Variants in SOS1 observed in about 807,000 individuals in gnomAD.
The protein encoded by SOS1 is SOS Ras/Rac guanine nucleotide exchange factor 1, also known as son of sevenless homolog 1.
Under a neutral mutation model 157.6 loss-of-function variants are expected in SOS1, and 25 were observed. That is an observed-to-expected ratio of 0.16 (90% CI 0.12 to 0.22). The LOEUF (loss-of-function observed/expected upper bound fraction) is 0.22, where lower values mean the gene tolerates loss of function less well. SOS1 is among the 10% of genes least tolerant of loss of function. The pLI, the probability that SOS1 is intolerant of heterozygous loss-of-function variation, is 1.00. For synonymous variants in SOS1, 528 were observed against 534.0 expected (o/e 0.99, Z 0.16); for missense variants, 1,237 against 1,599.1 (o/e 0.77, Z 3.86).
intron 1 of SOS1, among the ~76,000 whole-genome samples, chr2:39,073,495 T>C (rs1178957107): frequency 6.6e-6 from 1 of 152,262 alleles, no homozygotes; most frequent in Non-Finnish European, 1.5e-5. Context: ...AAGAATTTTA[T>C]AGTAACTGTT....
chr2:39,013,562 C>T lies in SOS1; in HGVS notation c.2065G>A (p.Val689Ile). 1 of 1,564,134 alleles carries T rather than the reference C, an allele frequency of 6.4e-7. No homozygotes were observed. Among genetic ancestry groups the T allele is most frequent in the Non-Finnish European group, 8.8e-7 (1 of 1,134,510 alleles). ...KEYIQPVQLRVLNVCRHWVEH... is the reference protein window; with the variant it reads ...KEYIQPVQLRILNVCRHWVEH... ...ACCCAGTGCCGACATACATTTAATA[C>T]TCTATGGCATTAACACAGAATTGAA... Residue 689 changes from valine (V) to isoleucine (I), a missense_variant and splice_region_variant, in exon 13 of 23, where the codon GTA (valine) becomes ATA (isoleucine). By Grantham distance (29) the Val-to-Ile change is conservative (BLOSUM62 3). Transcript: ENST00000402219.
chr2:39,026,167 C>T (rs1042212659), intron 8 of SOS1, among the ~76,000 whole-genome samples: 16 of 151,770 alleles, frequency 1.1e-4, no homozygotes, highest in African/African-American at 3.9e-4. Context: ...CCAGCCTGGC[C>T]AATATGGTAA....
At chr2:39,098,013 A>C (rs1348020679) in intron 1 of SOS1, 1 of 152,298 alleles carries the variant, frequency 6.6e-6, no homozygotes, top group East Asian at 1.9e-4. Flanking sequence ...TAAATTTTAG[A>C]AACACTGGGC....
At chr2:39,035,627 TGAC>T in intron 6 of SOS1, 127 bp from the exon 7 acceptor site, 1 of 687,716 alleles carries the variant, frequency 1.5e-6, no homozygotes, top group Non-Finnish European at 2.6e-6. Context: ...AAAAATTATA[TGAC>T]TACTAATTAT....
In SOS1 at chr2:39,070,556, T is replaced by C. The variant is rs780138195; in HGVS notation, c.88-2803A>G. ...ACCTGCATGGATAACCCCAAATCTA[T>C]CCCTAGTCCTGATTTCTCTCCTCAG... is the stretch of plus-strand genomic sequence containing the variant. On this transcript the variant is annotated intron_variant, in intron 1 of 22. Transcript: ENST00000402219. Among the ~76,000 whole-genome samples, 3 of 152,228 alleles carry C rather than the reference T, an allele frequency of 2.0e-5. No individual in the cohort carries two copies. In the Middle Eastern group the frequency reaches 0.01, roughly 518 times the overall value.
chr2:39,117,613 A>C lies in SOS1; in HGVS notation c.87+2723T>G, dbSNP rs370384031. On this transcript the variant is annotated intron_variant, in intron 1 of 22. Transcript: ENST00000402219. ...GTGCACTTTAGCATAGGTTGAACTCAAAAGACATCAACAATTCTGAGTGTG... is the reference window on the plus strand; with the variant it reads ...GTGCACTTTAGCATAGGTTGAACTCCAAAGACATCAACAATTCTGAGTGTG... Among the ~76,000 whole-genome samples, 24 of 152,346 alleles carry C rather than the reference A, an allele frequency of 1.6e-4. No individual in the cohort carries two copies. The East Asian group carries it at 3.1e-3, about 20-fold the overall frequency.
chr2:39,096,998 C>T (rs781491410), intron 1 of SOS1, among the ~76,000 whole-genome samples: 4 of 152,066 alleles, frequency 2.6e-5, no homozygotes, highest in Non-Finnish European at 4.4e-5. Context: ...TAATTAGCTA[C>T]ACAATCTTGG....
At chr2:39,001,645 TA>T (rs1462082280) in intron 17 of SOS1, among the ~76,000 whole-genome samples, 1 of 152,190 alleles carries the variant, frequency 6.6e-6, no homozygotes, top group African/African-American at 2.4e-5. Context: ...GGAGTTTCTA[TA>T]AACTACCATA....
intron 6 of SOS1, 81 bp from the exon 7 acceptor site, chr2:39,035,581 G>A (rs986940699): frequency 1.9e-5 from 19 of 983,498 alleles, no homozygotes; most frequent in Middle Eastern, 4.2e-4. Flanking sequence ...ACGACTATGC[G>A]AGCACAATTA....
intron 19 of SOS1, among the ~76,000 whole-genome samples, chr2:38,996,213 C>T (rs974765874): frequency 2.0e-5 from 3 of 152,118 alleles, no homozygotes; most frequent in Admixed American, 1.3e-4. Flanking sequence ...CCTCAGCCTC[C>T]CAAGTGGCTG....
At chr2:39,088,574 A>G (rs1207524468) in intron 1 of SOS1, among the ~76,000 whole-genome samples, 1 of 152,190 alleles carries the variant, frequency 6.6e-6, no homozygotes, top group Non-Finnish European at 1.5e-5. Flanking sequence ...GTGAAATCAT[A>G]TAGTATTTGT....
At position 39,023,094 on chromosome 2, in the gene SOS1, A is replaced by G; in HGVS notation, c.1334T>C (p.Ile445Thr). The change falls in exon 10 of 23, where the codon ATA (isoleucine) becomes ACA (threonine). Residue 445 changes from isoleucine to threonine, a missense_variant. Physicochemically the swap from Ile to Thr is moderately conservative, Grantham distance 89 (BLOSUM62 -1). Around this residue, in one of 15 missense-constraint regions of SOS1, gnomAD observed 210 missense variants for 220.2 expected, o/e 0.95. Coordinates refer to ENST00000402219, the MANE Select transcript of SOS1 (RefSeq NM_005633.4). ...TACACGTGTAAGAGTTCCTTCCATT[A>G]TAAATTCATTACAACACTGTCCAAT... ...KDIGQCCNEF[I>T]MEGTLTRVGA... 13 of 1,613,688 alleles carry G rather than the reference A, an allele frequency of 8.1e-6. No individual in the cohort carries two copies. Among genetic ancestry groups the G allele is most frequent in the Non-Finnish European group, 1.1e-5 (13 of 1,179,672 alleles).
chr2:39,099,395 C>G lies in SOS1; in HGVS notation c.87+20941G>C. ...ATTTATATGAAATGTCCAGAACAGA[C>G]AAATCCATAAAGACAGAAAATAGAT... is the stretch of plus-strand genomic sequence containing the variant. On this transcript the variant is annotated intron_variant, in intron 1 of 22. Coordinates refer to ENST00000402219, the MANE Select transcript of SOS1 (RefSeq NM_005633.4). 1.3e-5 allele frequency among the ~76,000 whole-genome samples: 2 copies of G among 152,116 alleles called. 1 individual carries two copies. Among genetic ancestry groups the G allele is most frequent in the East Asian group, 3.8e-4 (2 of 5,196 alleles).
intron 17 of SOS1, among the ~76,000 whole-genome samples, chr2:39,004,239 C>T (rs559815151): frequency 6.6e-5 from 10 of 151,762 alleles, no homozygotes; most frequent in Non-Finnish European, 1.2e-4. Flanking sequence ...CACGGTGAAA[C>T]CCTGTCTCTA....
Position 39,076,805 on chromosome 2 carries a change from T to C in SOS1, c.88-9052A>G, listed in dbSNP as rs557952867. ...GTCCTAGCCAATAAGATAAAAAGGATTGGAAAGGAAGGAATAAAACTGTTA... is the reference window on the plus strand; with the variant it reads ...GTCCTAGCCAATAAGATAAAAAGGACTGGAAAGGAAGGAATAAAACTGTTA... On this transcript the variant is annotated intron_variant, in intron 1 of 22. Coordinates refer to ENST00000402219, the MANE Select transcript of SOS1 (RefSeq NM_005633.4). Among the ~76,000 whole-genome samples, 8 of 152,064 alleles carry C rather than the reference T, an allele frequency of 5.3e-5. No homozygotes were observed. In the East Asian group the frequency reaches 1.4e-3, roughly 26 times the overall value.
rs781056694 is a variant in SOS1 at position 39,023,135 on chromosome 2, A to G, written c.1293T>C (p.Gly431=). ...KMNEIQKNID[G]WEGKDIGQCC... ...ACTGTCCAATGTCTTTTCCCTCCCA[A>G]CCATCAATATTCTTCTGAATCTCGT... Residue 431 remains glycine (G), a synonymous_variant, in exon 10 of 23, where the codon GGT becomes GGC. Coordinates refer to ENST00000402219, the MANE Select transcript of SOS1 (RefSeq NM_005633.4). The G allele has an allele frequency of 3.1e-6, 5 of 1,612,832 alleles. No individual in the cohort carries two copies. The highest frequency in any genetic ancestry group is 1.7e-5 in the Admixed American group (1 of 59,948).
Position 39,073,117 on chromosome 2 carries a change from ACTCAGAGACAT to A in SOS1, c.88-5375_88-5365del, listed in dbSNP as rs1245267674. On this transcript the variant is annotated intron_variant, in intron 1 of 22. Transcript: ENST00000402219. ...AGTGCTCCATTCCATCATAAATGGT[ACTCAGAGACAT>A]TTAATAGATCAAATGATCCAAGTTA... is the stretch of plus-strand genomic sequence containing the variant. Among the ~76,000 whole-genome samples, 4 of 152,354 alleles carry A rather than the reference ACTCAGAGACAT, an allele frequency of 2.6e-5. No homozygotes were observed. The East Asian group carries it at 7.7e-4, about 29-fold the overall frequency.
chr2:39,083,783 A>C (rs1271547441), intron 1 of SOS1, among the ~76,000 whole-genome samples: 1 of 152,208 alleles, frequency 6.6e-6, no homozygotes, highest in Non-Finnish European at 1.5e-5. Context: ...GCATGGTGGC[A>C]AAAAACAAAA....
At chr2:39,115,647 A>G (rs1033045157) in intron 1 of SOS1, among the ~76,000 whole-genome samples, 1 of 152,008 alleles carries the variant, frequency 6.6e-6, no homozygotes, top group African/African-American at 2.4e-5. Flanking sequence ...TATGTTGCCT[A>G]GGCTGGCCTG....
Sources: gnomAD v4.1 joint callset for allele counts (sites outside exome capture counted in the v4.1 genomes callset) on GRCh38, gnomAD v4.1.1 for gene constraint, gnomAD v4.1.1 regional missense constraint, MANE v1.5 for transcripts, NCBI Gene and HGNC (gene_info 2026-07-23, HGNC 2026-07-21) for gene names.